ZNF431: variants seen among roughly 807,000 people sequenced by gnomAD.
ZNF431 encodes zinc finger protein 431.
Under a neutral mutation model 57.0 loss-of-function variants are expected in ZNF431, and 34 were observed. The observed-to-expected ratio is 0.60, with a 90% CI of 0.45 to 0.79. ZNF431 has a LOEUF of 0.79. Ranked by LOEUF, ZNF431 falls within the 30% of genes least tolerant of loss-of-function variation. ZNF431 has a pLI of 0.00. For missense variants in ZNF431, 607 were observed against 667.1 expected (o/e 0.91, Z 0.99); for synonymous variants, 207 against 220.3 (o/e 0.94, Z 0.54).
At chr19:21,179,786 C>G (rs574197068) in intron 4 of ZNF431, among the ~76,000 whole-genome samples, 1 of 151,106 alleles carries the variant, frequency 6.6e-6, no homozygotes, top group South Asian at 2.1e-4. Flanking sequence ...TCTCGAACTC[C>G]CGACCTCAGG....
Position 21,189,805 on chromosome 19 carries a change from A to G in ZNF431, c.*5771A>G, listed in dbSNP as rs1029879987. 7 of 396,824 alleles carry G rather than the reference A, an allele frequency of 1.8e-5. No homozygotes were observed. The highest frequency in any genetic ancestry group is 1.4e-4 in the African/African-American group (7 of 48,526). 24.6% of individuals were successfully genotyped at this position (396,824 alleles called of 1,614,324 possible). ...CTGTGCCTTGCTTATCCCAACTAATACAATGTCCTCCAACTTCATCCATGT... is the reference window on the plus strand; with the variant it reads ...CTGTGCCTTGCTTATCCCAACTAATGCAATGTCCTCCAACTTCATCCATGT... On this transcript the variant is annotated 3_prime_UTR_variant, in exon 5 of 5. Transcript: ENST00000311048.
rs769239232 is a variant in ZNF431, at chr19:21,183,018, A to G, written c.715A>G (p.Lys239Glu). ...TTCTTACCAATGTGAAGAATGTGGCAAAGCTTTTAAATGGTTCTCAACCCT... is the reference window on the plus strand; with the variant it reads ...TTCTTACCAATGTGAAGAATGTGGCGAAGCTTTTAAATGGTTCTCAACCCT... ...ENSYQCEECG[K>E]AFKWFSTLTR... Residue 239 changes from lysine to glutamate, a missense_variant, in exon 5 of 5, where the codon AAA (lysine) becomes GAA (glutamate). Transcript: ENST00000311048. The G allele has an allele frequency of 8.1e-6, 13 of 1,614,160 alleles. No individual in the cohort carries two copies. In the South Asian group the frequency reaches 1.3e-4, roughly 16 times the overall value.
Position 21,184,019 on chromosome 19 carries a change from G to A in ZNF431, c.1716G>A (p.Met572Ile), listed in dbSNP as rs1224695382. The A allele has an allele frequency of 6.4e-7, 1 of 1,569,738 alleles. No homozygotes were observed. The highest frequency in any genetic ancestry group is 1.2e-5 in the South Asian group (1 of 81,380). Reference sequence around the variant, plus strand: ...GAGAAACTCTACAAATGTCAAGAATGTGGGAAAGCCTTTAAGCAGTCCTCA... The same window carrying A: ...GAGAAACTCTACAAATGTCAAGAATATGGGAAAGCCTTTAAGCAGTCCTCA... ...YWRETLQMSR[M>I]WESL is the part of the protein sequence containing the mutation. The change falls in exon 5 of 5, where the codon ATG becomes ATA. Residue 572 changes from methionine to isoleucine, a missense_variant. By Grantham distance (10) the Met-to-Ile change is conservative (BLOSUM62 1). Coordinates refer to ENST00000311048, the MANE Select transcript of ZNF431 (RefSeq NM_133473.4).
rs1296622105 is a variant in ZNF431 at position 21,186,010 on chromosome 19, G to GT, written c.*1976_*1977insT. 6.6e-6 allele frequency: 1 copy of GT among 152,056 alleles called. No homozygotes were observed. Among genetic ancestry groups the GT allele is most frequent in the East Asian group, 1.9e-4 (1 of 5,186 alleles). The allele number at this position is 152,056 out of a possible 1,614,324, so 9.4% of individuals were successfully genotyped here. ...ATAAATATTTTCTCATGCCAGGTGT[G>GT]GTGGCTCACGTCTGTAATCCCAGCA... On this transcript the variant is annotated 3_prime_UTR_variant, in exon 5 of 5. Transcript: ENST00000311048.
intron 2 of ZNF431, among the ~76,000 whole-genome samples, chr19:21,159,689 T>A (rs557004572): frequency 1.4e-4 from 21 of 152,316 alleles, no homozygotes; most frequent in Non-Finnish European, 1.0e-4. Flanking sequence ...TCTTATATAA[T>A]GAGTTGAAAA....
intron 2 of ZNF431, among the ~76,000 whole-genome samples, chr19:21,148,917 G>C (rs1239072505): frequency 6.6e-6 from 1 of 152,198 alleles, no homozygotes; most frequent in South Asian, 2.1e-4. Flanking sequence ...AAGTTGTACA[G>C]TGAACAGTCA....
intron 4 of ZNF431, among the ~76,000 whole-genome samples, chr19:21,173,311 G>GT (rs1970959901): frequency 2.7e-5 from 4 of 146,162 alleles, no homozygotes; most frequent in Admixed American, 6.7e-5. Context: ...GTAAGAGTGG[G>GT]ATTGCTGTAT....
In ZNF431 at chr19:21,189,593, T is replaced by C. The variant is rs1971463368; in HGVS notation, c.*5559T>C. The C allele has an allele frequency of 6.9e-6, 2 of 290,074 alleles. No individual in the cohort carries two copies. The highest frequency in any genetic ancestry group is 2.2e-5 in the African/African-American group (1 of 46,128). 18.0% of individuals were successfully genotyped at this position (290,074 alleles called of 1,614,324 possible). On this transcript the variant is annotated 3_prime_UTR_variant, in exon 5 of 5. Coordinates refer to ENST00000311048, the MANE Select transcript of ZNF431 (RefSeq NM_133473.4). ...ATTATGAACTATAGTCACCATGTTG[T>C]GCAATAAATCTCTTGAACTTATTTC...
In ZNF431 at chr19:21,142,095, C is replaced by G; in HGVS notation, c.-89C>G. Reference sequence around the variant, plus strand: ...CCCCTTCGCTGCTCTGTGTCCTCTGCTCCTAGAGGCCCAACATCTGTGGCC... The same window carrying G: ...CCCCTTCGCTGCTCTGTGTCCTCTGGTCCTAGAGGCCCAACATCTGTGGCC... On this transcript the variant is annotated 5_prime_UTR_variant, in exon 1 of 5. Transcript: ENST00000311048. The G allele has an allele frequency of 1.3e-6, 2 of 1,561,670 alleles. No homozygotes were observed. Among genetic ancestry groups the G allele is most frequent in the Non-Finnish European group, 1.8e-6 (2 of 1,135,234 alleles).
chr19:21,160,966 A>G (rs903110184), intron 2 of ZNF431, among the ~76,000 whole-genome samples: 1 of 152,098 alleles, frequency 6.6e-6, no homozygotes, highest in Non-Finnish European at 1.5e-5. Context: ...TCAAAACATC[A>G]AGACTATCCT....
At chr19:21,179,700 C>T (rs774653400) in intron 4 of ZNF431, among the ~76,000 whole-genome samples, 21 of 151,850 alleles carry the variant, frequency 1.4e-4, no homozygotes, top group South Asian at 4.2e-4. Flanking sequence ...GCTGGGACTA[C>T]AGGTGCCGGC....
chr19:21,159,401 TCTCA>T (rs1189033455), intron 2 of ZNF431, among the ~76,000 whole-genome samples: 1 of 151,726 alleles, frequency 6.6e-6, no homozygotes, highest in Non-Finnish European at 1.5e-5. Context: ...GGAGGCGGAG[TCTCA>T]CTCTGTTGCC....
At chr19:21,169,849 A>G in intron 4 of ZNF431, 1 of 398,646 alleles carries the variant, frequency 2.5e-6, no homozygotes. Flanking sequence ...AACTGAGTCA[A>G]TAAACTGCTT....
At position 21,159,982 on chromosome 19, in the gene ZNF431, C is replaced by CT. The variant is rs11291342; in HGVS notation, c.97-6336dup. ...CTACTTATATTCATGTTGCCTCAGCCTTTTTTTTTTTTTTTTTAGGTAGAC... is the reference window on the plus strand; with the variant it reads ...CTACTTATATTCATGTTGCCTCAGCCTTTTTTTTTTTTTTTTTTAGGTAGAC... On this transcript the variant is annotated intron_variant, in intron 2 of 4. Transcript: ENST00000311048. Among the ~76,000 whole-genome samples the CT allele has an allele frequency of 6.0e-3, 755 of 126,332 alleles. 11 individuals are homozygous for CT. The highest frequency in any genetic ancestry group is 0.02 in the African/African-American group (686 of 33,742). 82.9% of individuals were successfully genotyped at this position (126,332 alleles called of 152,430 possible).
chr19:21,182,796 A>C lies in ZNF431; in HGVS notation c.493A>C (p.Asn165His). 6.2e-7 allele frequency: 1 copy of C among 1,614,014 alleles called. No homozygotes were observed. The highest frequency in any genetic ancestry group is 8.5e-7 in the Non-Finnish European group (1 of 1,179,920). ...KVHKEGYNEL[N>H]QCLTTTQSKI... is the part of the protein sequence containing the mutation. Reference sequence around the variant, plus strand: ...GCACAAAGAAGGTTATAATGAGCTAAACCAGTGTTTGACAACTACCCAGAG... The same window carrying C: ...GCACAAAGAAGGTTATAATGAGCTACACCAGTGTTTGACAACTACCCAGAG... Residue 165 changes from asparagine to histidine, a missense_variant, in exon 5 of 5, where the codon AAC becomes CAC. Physicochemically the swap from Asn to His is moderately conservative, Grantham distance 68. Transcript: ENST00000311048.
rs1722216620 is a variant in ZNF431, at chr19:21,191,933, C to A, written c.*7899C>A. 1 of 152,044 alleles carries A rather than the reference C, an allele frequency of 6.6e-6. No homozygotes were observed. The allele number at this position is 152,044 out of a possible 1,614,324, so 9.4% of individuals were successfully genotyped here. On this transcript the variant is annotated 3_prime_UTR_variant, in exon 5 of 5. Coordinates refer to ENST00000311048, the MANE Select transcript of ZNF431 (RefSeq NM_133473.4). ...TATTTCGATAGAGGTTGCATTATAC[C>A]TGTAGGTCATTTTGTGTAATACAAA... is the stretch of plus-strand genomic sequence containing the variant.
chr19:21,155,610 G>A (rs533314477), intron 2 of ZNF431, among the ~76,000 whole-genome samples: 90 of 152,182 alleles, frequency 5.9e-4, no homozygotes, highest in African/African-American at 2.0e-3. Context: ...ATTACCTTGC[G>A]GAGTCCCCAA....
intron 4 of ZNF431, among the ~76,000 whole-genome samples, chr19:21,178,290 G>T (rs773558227): frequency 6.6e-6 from 1 of 151,776 alleles, no homozygotes; most frequent in African/African-American, 2.4e-5. Flanking sequence ...CTTCCTATTT[G>T]AATATCACTT....
intron 1 of ZNF431, among the ~76,000 whole-genome samples, chr19:21,142,947 C>T (rs62124917): frequency 0.15 from 22,068 of 152,010 alleles, 1,892 homozygotes; most frequent in Non-Finnish European, 0.2. Context: ...CGTCTAATTG[C>T]CTGCCTTTTA....
Sources: allele counts gnomAD v4.1 joint callset (sites outside exome capture counted in the v4.1 genomes callset), GRCh38; gene constraint gnomAD v4.1.1; transcripts MANE v1.5; gene names NCBI Gene and HGNC (gene_info 2026-07-23, HGNC 2026-07-21).